PHACTR2: variants seen among roughly 807,000 people sequenced by gnomAD.
The protein encoded by PHACTR2 is phosphatase and actin regulator 2, also known as chromosome 6 open reading frame 56.
Under a neutral mutation model 76.0 loss-of-function variants are expected in PHACTR2, and 30 were observed. The observed-to-expected ratio is 0.39, with a 90% CI of 0.30 to 0.54. The LOEUF (loss-of-function observed/expected upper bound fraction) is 0.54, where lower values mean the gene tolerates loss of function less well. Ranked by LOEUF, PHACTR2 falls within the 20% of genes least tolerant of loss-of-function variation. The probability of loss-of-function intolerance (pLI) is 0.61; values close to 1 mark genes in which losing one functional copy is unlikely to be tolerated. For synonymous variants in PHACTR2, 292 were observed against 292.5 expected, an observed-to-expected ratio of 1.00 and a Z score of 0.02; for missense variants, 696 against 781.1, an observed-to-expected ratio of 0.89 and a Z score of 1.30.
chr6:143,733,053 CT>C lies in PHACTR2; in HGVS notation c.215-15930del, dbSNP rs2128466076. On this transcript the variant is annotated intron_variant, in intron 2 of 12. Coordinates refer to ENST00000440869, the MANE Select transcript of PHACTR2 (RefSeq NM_001100164.2). The surrounding 1 kb of genome is among the most constrained non-coding windows in gnomAD (Gnocchi z 4.0). ...CAAAGGCATGCACCACAACACCCAA[CT>C]TAATTTTAAAAAAAAATTTTTTTTC... Among the ~76,000 whole-genome samples, 1 of 152,174 alleles carries C rather than the reference CT, an allele frequency of 6.6e-6. No homozygotes were observed. Among genetic ancestry groups the C allele is most frequent in the Admixed American group, 6.5e-5 (1 of 15,282 alleles).
In PHACTR2 at chr6:143,787,987, G is replaced by T. The variant is rs1270914124; in HGVS notation, c.1708-786G>T. ...AGTAGATAATGCCTGTTTACCAAGGGGCCAGCTTTCTTTCACCTGTCAGAG... is the reference window on the plus strand; with the variant it reads ...AGTAGATAATGCCTGTTTACCAAGGTGCCAGCTTTCTTTCACCTGTCAGAG... On this transcript the variant is annotated intron_variant, in intron 10 of 12. Coordinates refer to ENST00000440869, the MANE Select transcript of PHACTR2 (RefSeq NM_001100164.2). This position sits in a 1 kb window ranked among gnomAD's most constrained non-coding sequence, Gnocchi z 4.6. Among the ~76,000 whole-genome samples, 1 of 152,142 alleles carries T rather than the reference G, an allele frequency of 6.6e-6. No homozygotes were observed. The highest frequency in any genetic ancestry group is 1.5e-5 in the Non-Finnish European group (1 of 68,024).
rs9968943 is a variant in PHACTR2, at chr6:143,780,572, A to C, written c.1646-2647A>C. Among the ~76,000 whole-genome samples, 1 of 152,044 alleles carries C rather than the reference A, an allele frequency of 6.6e-6. No individual in the cohort carries two copies. The highest frequency in any genetic ancestry group is 1.5e-5 in the Non-Finnish European group (1 of 68,002). ...TGAATTAACAACTCAAGAAGATAAT[A>C]CTCCAATTGCTGGTATTTTTATACT... is the stretch of plus-strand genomic sequence containing the variant. On this transcript the variant is annotated intron_variant, in intron 9 of 12. Coordinates refer to ENST00000440869, the MANE Select transcript of PHACTR2 (RefSeq NM_001100164.2). The surrounding 1 kb of genome is among the most constrained non-coding windows in gnomAD (Gnocchi z 4.4).
Position 143,825,593 on chromosome 6 carries a change from C to T in PHACTR2, c.*1904C>T, listed in dbSNP as rs1776515929. Reference sequence around the variant, plus strand: ...TTTGTCTATTTTACAGTGTTTCAATCCAGCCATAAAAATTAACTTGTGATT... The same window carrying T: ...TTTGTCTATTTTACAGTGTTTCAATTCAGCCATAAAAATTAACTTGTGATT... On this transcript the variant is annotated 3_prime_UTR_variant, in exon 13 of 13. Coordinates refer to ENST00000440869, the MANE Select transcript of PHACTR2 (RefSeq NM_001100164.2). The surrounding 1 kb of genome is among the most constrained non-coding windows in gnomAD (Gnocchi z 4.1). 2 of 152,060 alleles carry T rather than the reference C, an allele frequency of 1.3e-5. No individual in the cohort carries two copies. The highest frequency in any genetic ancestry group is 4.1e-4 in the South Asian group (2 of 4,822). The allele number at this position is 152,060 out of a possible 1,614,324, so 9.4% of individuals were successfully genotyped here.
rs555379088 is a variant in PHACTR2, at chr6:143,596,576, T to C, written c.217+59369T>C. Among the ~76,000 whole-genome samples the C allele has an allele frequency of 6.6e-6, 1 of 152,318 alleles. No homozygotes were observed. ...CCATCAGGCCGGGCACTGTGGCTCA[T>C]GCCTGTAATCCCAGCATTATGGGAT... is the stretch of plus-strand genomic sequence containing the variant. On this transcript the variant is annotated intron_variant, in intron 1 of 11. Coordinates refer to the PHACTR2 transcript ENST00000367584. This position sits in a 1 kb window ranked among gnomAD's most constrained non-coding sequence, Gnocchi z 4.6.
intron 1 of PHACTR2, among the ~76,000 whole-genome samples, chr6:143,569,236 T>C (rs1179498512): frequency 6.6e-6 from 1 of 152,136 alleles, no homozygotes; most frequent in Admixed American, 6.5e-5. Flanking sequence ...GAGAAGCTCG[T>C]GCATAATTCT....
chr6:143,740,552 G>A (rs9390132), intron 2 of PHACTR2, among the ~76,000 whole-genome samples: 12,355 of 146,930 alleles, frequency 0.084, 555 homozygotes, highest in South Asian at 0.12. Context: ...ATTTGTTCAA[G>A]TATGTCTGGA....
chr6:143,725,775 G>A (rs1004064163), intron 2 of PHACTR2, among the ~76,000 whole-genome samples: 5 of 150,654 alleles, frequency 3.3e-5, no homozygotes, highest in Admixed American at 6.6e-5. Flanking sequence ...GCAGTGAGCC[G>A]AGACTGAGCC....
Position 143,684,668 on chromosome 6 carries a change from T to A in PHACTR2, c.46+6459T>A, listed in dbSNP as rs1777473669. Among the ~76,000 whole-genome samples, 1 of 152,242 alleles carries A rather than the reference T, an allele frequency of 6.6e-6. No homozygotes were observed. The highest frequency in any genetic ancestry group is 2.1e-4 in the South Asian group (1 of 4,830). ...CTGTCACCACCACTGAATATCAGGG[T>A]CACTCTTAGCCCATAGCCTCGTGAG... On this transcript the variant is annotated intron_variant, in intron 1 of 12. Coordinates refer to ENST00000440869, the MANE Select transcript of PHACTR2 (RefSeq NM_001100164.2). The surrounding 1 kb of genome is among the most constrained non-coding windows in gnomAD (Gnocchi z 4.3).
intron 1 of PHACTR2, among the ~76,000 whole-genome samples, chr6:143,609,988 C>A (rs1775951296): frequency 6.6e-6 from 1 of 152,116 alleles, no homozygotes; most frequent in South Asian, 2.1e-4. Context: ...TGGAGAGTGG[C>A]TTGTAAAGTA....
At chr6:143,645,368 G>A (rs535292458) in intron 1 of PHACTR2, among the ~76,000 whole-genome samples, 135 of 152,116 alleles carry the variant, frequency 8.9e-4, no homozygotes, top group African/African-American at 3.0e-3. Context: ...AATGGCATTC[G>A]CAGTGACCTG....
At chr6:143,605,593 T>C (rs981325989), upstream of PHACTR2, among the ~76,000 whole-genome samples, 1 of 152,136 alleles carries the variant, frequency 6.6e-6, no homozygotes, top group African/African-American at 2.4e-5. The surrounding 1 kb of genome is among the most constrained non-coding windows in gnomAD (Gnocchi z 5.0). Flanking sequence ...TACAGAGAAT[T>C]GGGAAGCAGT....
At chr6:143,785,148 A>G (rs2128478560) in intron 10 of PHACTR2, among the ~76,000 whole-genome samples, 1 of 152,308 alleles carries the variant, frequency 6.6e-6, no homozygotes, top group African/African-American at 2.4e-5. Flanking sequence ...CCTTCCACCC[A>G]TGAGCCTGTA....
At chr6:143,759,614 G>A in intron 4 of PHACTR2, among the ~76,000 whole-genome samples, 1 of 147,662 alleles carries the variant, frequency 6.8e-6, no homozygotes, top group Non-Finnish European at 1.5e-5. Context: ...GAGTGAGAGA[G>A]CGAGACCCTA....
At chr6:143,643,031 A>G (rs1776595231) in intron 1 of PHACTR2, among the ~76,000 whole-genome samples, 1 of 152,214 alleles carries the variant, frequency 6.6e-6, no homozygotes, top group South Asian at 2.1e-4. Context: ...AAAAGACTGT[A>G]TTTAAATTAT....
At chr6:143,655,797 A>G (rs1776839644) in intron 1 of PHACTR2, among the ~76,000 whole-genome samples, 1 of 152,216 alleles carries the variant, frequency 6.6e-6, no homozygotes, top group Non-Finnish European at 1.5e-5. Flanking sequence ...CTCTCCATAC[A>G]CATGAAAGTT....
chr6:143,560,708 T>C (rs1482681427), intron 1 of PHACTR2, among the ~76,000 whole-genome samples: 2 of 152,068 alleles, frequency 1.3e-5, no homozygotes, highest in Admixed American at 6.5e-5. Flanking sequence ...AGAGGAGGTA[T>C]TGGATACCTA....
At position 143,571,405 on chromosome 6, in the gene PHACTR2, A is replaced by G. The variant is rs1043086517; in HGVS notation, c.217+34198A>G. On this transcript the variant is annotated intron_variant, in intron 1 of 11. Transcript: ENST00000367584. This position sits in a 1 kb window ranked among gnomAD's most constrained non-coding sequence, Gnocchi z 4.6. ...TTCCTTTATCCTATAATCCATTACT[A>G]TCTACTTTATTTCTTTTTTTAGAGA... Among the ~76,000 whole-genome samples, 3 of 151,988 alleles carry G rather than the reference A, an allele frequency of 2.0e-5. No homozygotes were observed. The highest frequency in any genetic ancestry group is 7.3e-5 in the African/African-American group (3 of 41,358).
Position 143,753,691 on chromosome 6 carries a change from T to C in PHACTR2, c.296-63T>C. 2 of 1,241,988 alleles carry C rather than the reference T, an allele frequency of 1.6e-6. No individual in the cohort carries two copies. The highest frequency in any genetic ancestry group is 1.5e-5 in the African/African-American group (1 of 66,134). 76.9% of individuals were successfully genotyped at this position (1,241,988 alleles called of 1,614,324 possible). On this transcript the variant is annotated intron_variant, in intron 3 of 12. Transcript: ENST00000440869. The surrounding 1 kb of genome is among the most constrained non-coding windows in gnomAD (Gnocchi z 4.6). ...ATCTAAATTTTACAATCCTAGTAAC[T>C]GGAAAACTTGTTTTTAAGAAAGCCA... is the stretch of plus-strand genomic sequence containing the variant.
At chr6:143,686,382 A>G (rs1227879526) in intron 1 of PHACTR2, among the ~76,000 whole-genome samples, 4 of 152,014 alleles carry the variant, frequency 2.6e-5, no homozygotes, top group African/African-American at 9.7e-5. Context: ...AATAACATCA[A>G]CATGTGAAAA....
Sources: allele counts gnomAD v4.1 joint callset (sites outside exome capture counted in the v4.1 genomes callset), GRCh38; gene constraint gnomAD v4.1.1; non-coding constraint Gnocchi (gnomAD v3.1); transcripts MANE v1.5; gene names NCBI Gene and HGNC (gene_info 2026-07-23, HGNC 2026-07-21).